The following SMC5 variants were observed in gnomAD, a reference collection of about 807,000 sequenced individuals.
The protein encoded by SMC5 is structural maintenance of chromosomes protein 5.
In SMC5, 88 loss-of-function variants were observed where a neutral mutation model predicts 148.3. The observed-to-expected ratio is 0.59, with a 90% confidence interval of 0.50 to 0.71. The LOEUF (loss-of-function observed/expected upper bound fraction) is 0.71, where lower values mean the gene tolerates loss of function less well. SMC5 is among the 30% of genes least tolerant of loss of function. SMC5 has a pLI of 0.00. For missense variants in SMC5, 1,142 were observed against 1,298.9 expected (o/e 0.88, Z 1.86); for synonymous variants, 421 against 432.8 (o/e 0.97, Z 0.34).
At chr9:70,282,040 T>TG (rs1349126930) in intron 6 of SMC5, among the ~76,000 whole-genome samples, 2 of 125,486 alleles carry the variant, frequency 1.6e-5, no homozygotes, top group African/African-American at 5.7e-5. Flanking sequence ...TTTCATTTTG[T>TG]TTTTTTTTTT....
At position 70,259,206 on chromosome 9, in the gene SMC5, A is replaced by G; in HGVS notation, c.128A>G (p.Gln43Arg). The G allele has an allele frequency of 6.2e-7, 1 of 1,607,920 alleles. No individual in the cohort carries two copies. The highest frequency in any genetic ancestry group is 8.5e-7 in the Non-Finnish European group (1 of 1,177,014). The change falls in exon 1 of 25, where the codon CAG becomes CGG. Residue 43 changes from glutamine to arginine, a missense_variant. Around this residue, in one of 5 missense-constraint regions of SMC5, gnomAD observed 297 missense variants for 302.6 expected, o/e 0.98. Transcript: ENST00000361138. ...TCGGCCCCGCAGCTGCCGCTGTTGC[A>G]GTCGTCCGGGCCTTTCGTGGAAGGC... ...KNSAPQLPLL[Q>R]SSGPFVEGSI...
At chr9:70,338,039 G>T (rs149369210) in intron 17 of SMC5, among the ~76,000 whole-genome samples, 32 of 152,074 alleles carry the variant, frequency 2.1e-4, no homozygotes, top group African/African-American at 5.1e-4. Flanking sequence ...CTTGAGAACG[G>T]GTTCTTACTC....
chr9:70,286,254 G>C lies in SMC5; in HGVS notation c.1036G>C (p.Glu346Gln). 6.3e-7 allele frequency: 1 copy of C among 1,594,544 alleles called. No individual in the cohort carries two copies. Among genetic ancestry groups the C allele is most frequent in the Non-Finnish European group, 8.6e-7 (1 of 1,169,058 alleles). Residue 346 changes from glutamate (E) to glutamine (Q), a missense_variant, in exon 8 of 25, where the codon GAA (glutamate) becomes CAA (glutamine). Transcript: ENST00000361138. The stretch of plus-strand genomic sequence containing the variant: ...ATGCAAACAGAAGCAAGATGTTATA[G>C]AAAGGAAAGATAAACATGTAAGGTT... ...QKCKQKQDVI[E>Q]RKDKHIEELQ... is the part of the protein sequence containing the mutation.
chr9:70,346,439 G>T (rs1268282182), intron 18 of SMC5, 166 bp from the exon 19 acceptor site: 4 of 698,486 alleles, frequency 5.7e-6, no homozygotes, highest in Admixed American at 5.3e-5. Flanking sequence ...GTTCTAATTT[G>T]TCCCCATGGC....
chr9:70,297,818 A>C, intron 8 of SMC5, 148 bp from the exon 9 acceptor site: 2 of 812,448 alleles, frequency 2.5e-6, no homozygotes, highest in Admixed American at 4.9e-5. Context: ...AGAACTGGTA[A>C]TGTGCTAGTC....
chr9:70,340,868 T>C (rs887070256), intron 17 of SMC5, among the ~76,000 whole-genome samples: 25 of 152,148 alleles, frequency 1.6e-4, no homozygotes, highest in African/African-American at 5.1e-4. Context: ...AAAAGAATTT[T>C]AGAAAAAAAG....
At chr9:70,290,614 A>G (rs1269743983) in intron 8 of SMC5, among the ~76,000 whole-genome samples, 1 of 151,766 alleles carries the variant, frequency 6.6e-6, no homozygotes. Context: ...GTGTAGATTC[A>G]GAGTACTATC....
At chr9:70,263,715 G>C (rs1346940180) in intron 1 of SMC5, among the ~76,000 whole-genome samples, 1 of 152,166 alleles carries the variant, frequency 6.6e-6, no homozygotes, top group Non-Finnish European at 1.5e-5. Flanking sequence ...GACCTCCTAG[G>C]CTCAAGTAGT....
intron 22 of SMC5, among the ~76,000 whole-genome samples, chr9:70,349,672 A>G (rs58615277): frequency 0.012 from 1,815 of 152,260 alleles, 27 homozygotes; most frequent in African/African-American, 0.041. Context: ...ACCATACACA[A>G]CCACTTCTCT....
chr9:70,269,666 A>G (rs775683762), intron 3 of SMC5, among the ~76,000 whole-genome samples: 8 of 152,236 alleles, frequency 5.3e-5, no homozygotes, highest in Non-Finnish European at 1.0e-4. Context: ...TCAACAGGTA[A>G]GTTTACAAGT....
intron 17 of SMC5, among the ~76,000 whole-genome samples, chr9:70,331,245 A>T (rs905130494): frequency 6.6e-6 from 1 of 152,200 alleles, no homozygotes; most frequent in Non-Finnish European, 1.5e-5. Flanking sequence ...GCCACATGTG[A>T]CTGGTTTCTA....
chr9:70,349,929 A>C (rs1417032313), intron 22 of SMC5, among the ~76,000 whole-genome samples, 185 bp from the exon 23 acceptor site: 7 of 152,182 alleles, frequency 4.6e-5, no homozygotes, highest in African/African-American at 1.7e-4. Context: ...GCTTTTAGAT[A>C]GTAACTGTTT....
At chr9:70,304,510 A>C (rs2035445840) in intron 10 of SMC5, among the ~76,000 whole-genome samples, 1 of 152,078 alleles carries the variant, frequency 6.6e-6, no homozygotes, top group Non-Finnish European at 1.5e-5. Context: ...AACATGATTA[A>C]ACCCTGTCTC....
rs540457039 is a variant in SMC5, at chr9:70,325,299, A to C, written c.2397+1156A>C. Among the ~76,000 whole-genome samples, 3 of 152,316 alleles carry C rather than the reference A, an allele frequency of 2.0e-5. No individual in the cohort carries two copies. The South Asian group carries it at 6.2e-4, about 32-fold the overall frequency. On this transcript the variant is annotated intron_variant, in intron 17 of 24. Coordinates refer to ENST00000361138, the MANE Select transcript of SMC5 (RefSeq NM_015110.4). ...TTTAGAGGAACCAGCAACAAAGCCCAGTCAAATTCTTTATTATACAACACC... is the reference window on the plus strand; with the variant it reads ...TTTAGAGGAACCAGCAACAAAGCCCCGTCAAATTCTTTATTATACAACACC...
At chr9:70,268,668 A>G (rs1490804864) in intron 3 of SMC5, among the ~76,000 whole-genome samples, 1 of 152,026 alleles carries the variant, frequency 6.6e-6, no homozygotes, top group African/African-American at 2.4e-5. Flanking sequence ...CAAACAATGT[A>G]GAAGTGTATA....
intron 10 of SMC5, among the ~76,000 whole-genome samples, chr9:70,304,880 C>T (rs947231301): frequency 6.6e-6 from 1 of 151,370 alleles, no homozygotes; most frequent in Non-Finnish European, 1.5e-5. Context: ...GTGAAGTTCT[C>T]TTGAAGATTA....
intron 17 of SMC5, among the ~76,000 whole-genome samples, chr9:70,337,122 A>G (rs2036378065): frequency 6.6e-6 from 1 of 152,160 alleles, no homozygotes; most frequent in Admixed American, 6.5e-5. Context: ...CCCTGCCACA[A>G]CACGTGGGAA....
Position 70,277,290 on chromosome 9 carries a change from T to C in SMC5, c.381-20T>C. The C allele has an allele frequency of 6.8e-7, 1 of 1,466,844 alleles. No individual in the cohort carries two copies. Among genetic ancestry groups the C allele is most frequent in the Non-Finnish European group, 9.0e-7 (1 of 1,109,832 alleles). 90.9% of individuals were successfully genotyped at this position (1,466,844 alleles called of 1,614,324 possible). A position where few individuals can be genotyped will look rare whatever the true frequency, so the allele number is the denominator to read the frequency against. On this transcript the variant is annotated intron_variant, in intron 3 of 24. Transcript: ENST00000361138. ...GTATATATTTTGAATATAAAGATTCTTAAATTATTTTTTAATTAGGTTCAG... is the reference window on the plus strand; with the variant it reads ...GTATATATTTTGAATATAAAGATTCCTAAATTATTTTTTAATTAGGTTCAG...
intron 4 of SMC5, 80 bp downstream of exon 4, chr9:70,277,552 T>G: frequency 1.7e-6 from 2 of 1,149,672 alleles, no homozygotes; most frequent in Non-Finnish European, 2.4e-6. Flanking sequence ...GATATCATAA[T>G]GACTGCTATT....
Sources: gnomAD v4.1 joint callset for allele counts (sites outside exome capture counted in the v4.1 genomes callset) on GRCh38, gnomAD v4.1.1 for gene constraint, gnomAD v4.1.1 regional missense constraint, MANE v1.5 for transcripts, NCBI Gene and HGNC (gene_info 2026-07-23, HGNC 2026-07-21) for gene names.